Variants in ACLY observed in about 807,000 individuals in gnomAD.
ACLY encodes ATP citrate lyase.
In ACLY, 41 loss-of-function variants were observed where a neutral mutation model predicts 133.0. The ratio of observed to expected loss-of-function variants is 0.31; its 90% CI spans 0.24 to 0.40. The LOEUF is 0.40. ACLY is among the 10% of genes least tolerant of loss of function. ACLY has a pLI of 1.00. For synonymous variants in ACLY, 495 were observed against 549.3 expected, an observed-to-expected ratio of 0.90 and a Z score of 1.38; for missense variants, 1,046 against 1,453.8, an observed-to-expected ratio of 0.72 and a Z score of 4.56.
chr17:41,873,011 A>G (rs999549460), intron 23 of ACLY, among the ~76,000 whole-genome samples: 8 of 152,182 alleles, frequency 5.3e-5, no homozygotes, highest in African/African-American at 1.9e-4. Context: ...CCTTCTGCCC[A>G]GCATCACATT....
Position 41,878,156 on chromosome 17 carries a change from G to C in ACLY, c.2434C>G (p.Pro812Ala). Residue 812 changes from proline to alanine, a missense_variant, in exon 22 of 29, where the codon CCT (proline) becomes GCT (alanine). Pro to Ala is a conservative substitution (Grantham distance 27). This residue lies in a region of ACLY where 39 missense variants were observed against 30.8 expected (regional missense o/e 1.27). Coordinates refer to ENST00000352035, the MANE Select transcript of ACLY (RefSeq NM_001096.3). ...EDLVANGVIV[P>A]AQEVPPPTVP... ...GTTGGGGGCGGCACCTCCTGGGCAG[G>C]TACAATGACTCCATTGGCCACGAGA... 6.3e-7 allele frequency: 1 copy of C among 1,596,400 alleles called. No homozygotes were observed. Among genetic ancestry groups the C allele is most frequent in the Non-Finnish European group, 8.5e-7 (1 of 1,171,630 alleles).
chr17:41,917,875 A>T (rs1485052041), intron 1 of ACLY, among the ~76,000 whole-genome samples: 1 of 152,166 alleles, frequency 6.6e-6, no homozygotes, highest in Non-Finnish European at 1.5e-5. Flanking sequence ...GAGACCTACC[A>T]GCTGTCCCTC....
At chr17:41,893,238 A>C (rs181283411) in intron 14 of ACLY, 64 bp from the exon 15 acceptor site, 1 of 1,538,328 alleles carries the variant, frequency 6.5e-7, no homozygotes, top group African/African-American at 1.4e-5. Flanking sequence ...TGCAGGGGCC[A>C]GGGCTGCCTG....
At position 41,912,418 on chromosome 17, in the gene ACLY, A is replaced by G. The variant is rs1351459389; in HGVS notation, c.282+2T>C. The stretch of plus-strand genomic sequence containing the variant: ...GTTCATCCTGACCCCATGCCCACTC[A>G]CTGTGGCTTCCTGTCCCAGCCGTGG... On this transcript the variant is annotated splice_donor_variant, in intron 3 of 28. Coordinates refer to ENST00000352035, the MANE Select transcript of ACLY (RefSeq NM_001096.3). LOFTEE classifies it high-confidence loss of function. 2 of 1,613,856 alleles carry G rather than the reference A, an allele frequency of 1.2e-6. No individual in the cohort carries two copies. Among genetic ancestry groups the G allele is most frequent in the African/African-American group, 2.7e-5 (2 of 74,928 alleles).
At chr17:41,921,177 A>G (rs114273660), upstream of ACLY, among the ~76,000 whole-genome samples, 456 of 152,054 alleles carry the variant, frequency 3.0e-3, 6 homozygotes, top group African/African-American at 0.011. Context: ...GGGTGCCTGT[A>G]ATCTCAGCTA....
chr17:41,911,620 A>G (rs2049903192), intron 3 of ACLY, among the ~76,000 whole-genome samples: 1 of 152,204 alleles, frequency 6.6e-6, no homozygotes, highest in Non-Finnish European at 1.5e-5. Flanking sequence ...GTTCGAGACC[A>G]GCCTGGGTAA....
At chr17:41,909,156 C>T (rs1210037652) in intron 5 of ACLY, 88 bp from the exon 6 acceptor site, 12 of 991,986 alleles carry the variant, frequency 1.2e-5, no homozygotes, top group Non-Finnish European at 1.7e-5. Context: ...CTCTCACTGC[C>T]ACCGACAGCT....
Position 41,913,760 on chromosome 17 carries a change from T to A in ACLY, c.114A>T (p.Thr38=). ...RFKYARVTPD[T]DWARLLQDHP... is the part of the protein sequence containing the mutation. ...GGTCCTGCAGCAAGCGGGCCCAGTC[T>A]GTGTCAGGAGTGACCCGAGCATACT... The change falls in exon 2 of 29, where the codon ACA becomes ACT. Residue 38 remains threonine (T), a synonymous_variant. Coordinates refer to ENST00000352035, the MANE Select transcript of ACLY (RefSeq NM_001096.3). The A allele has an allele frequency of 6.2e-7, 1 of 1,614,242 alleles. No homozygotes were observed. Among genetic ancestry groups the A allele is most frequent in the Non-Finnish European group, 8.5e-7 (1 of 1,180,042 alleles).
At chr17:41,873,751 G>A in intron 23 of ACLY, 60 bp downstream of exon 23, 1 of 1,471,236 alleles carries the variant, frequency 6.8e-7, no homozygotes, top group East Asian at 2.5e-5. Flanking sequence ...CCCCTTTGTT[G>A]GGGGAAAATC....
At chr17:41,900,794 T>C (rs181022479) in intron 11 of ACLY, among the ~76,000 whole-genome samples, 1 of 151,994 alleles carries the variant, frequency 6.6e-6, no homozygotes, top group Non-Finnish European at 1.5e-5. Flanking sequence ...TGTCTCACAG[T>C]GATGGCCAAG....
At chr17:41,871,944 G>A (rs1003522343) in intron 24 of ACLY, 88 bp downstream of exon 24, 1 of 1,592,776 alleles carries the variant, frequency 6.3e-7, no homozygotes, top group Non-Finnish European at 8.6e-7. Flanking sequence ...ACACTCAGGG[G>A]CTCCTTCTAG....
At chr17:41,877,742 G>A (rs1418484305) in intron 22 of ACLY, among the ~76,000 whole-genome samples, 2 of 152,084 alleles carry the variant, frequency 1.3e-5, no homozygotes, top group Non-Finnish European at 2.9e-5. Flanking sequence ...TATAAAGCAG[G>A]CAGAAAAATG....
intron 10 of ACLY, among the ~76,000 whole-genome samples, chr17:41,902,741 C>T (rs1021053920): frequency 3.3e-5 from 5 of 152,200 alleles, no homozygotes; most frequent in African/African-American, 1.2e-4. Context: ...ATAAAAGCTG[C>T]TGAGGCTCCC....
chr17:41,912,873 G>C (rs562671326), intron 2 of ACLY, among the ~76,000 whole-genome samples: 11 of 152,276 alleles, frequency 7.2e-5, no homozygotes, highest in Admixed American at 2.6e-4. Flanking sequence ...AAGCCCCTCA[G>C]AATATGGACC....
At chr17:41,896,981 G>C (rs1555630534) in intron 13 of ACLY, among the ~76,000 whole-genome samples, 1 of 152,256 alleles carries the variant, frequency 6.6e-6, no homozygotes, top group Non-Finnish European at 1.5e-5. Flanking sequence ...GGGCTCTCTA[G>C]CTGGCGCAGT....
chr17:41,868,436 C>CAAA (rs10639270), intron 28 of ACLY, among the ~76,000 whole-genome samples: 72,128 of 102,390 alleles, frequency 0.7, 25,521 homozygotes, highest in East Asian at 0.78. Context: ...GACTCAGTCT[C>CAAA]AAAAAAAAAA....
chr17:41,908,883 T>C (rs572375270), intron 6 of ACLY, 106 bp downstream of exon 6: 1 of 910,482 alleles, frequency 1.1e-6, no homozygotes, highest in South Asian at 1.4e-5. Flanking sequence ...ACATCTGTCT[T>C]GTGTTACCCT....
intron 3 of ACLY, 42 bp from the exon 4 acceptor site, chr17:41,910,326 C>A (rs781843534): frequency 1.3e-6 from 2 of 1,579,008 alleles, no homozygotes; most frequent in Admixed American, 1.7e-5. Flanking sequence ...AGGGACAGCA[C>A]GTCTTGCCCC....
Position 41,913,783 on chromosome 17 carries a change from A to G in ACLY, c.91T>C (p.Tyr31His). ...TTSAIQNRFK[Y>H]ARVTPDTDWA... ...TCTGTGTCAGGAGTGACCCGAGCAT[A>G]CTTGAACCGATTCTGGATGGCTGAG... The change falls in exon 2 of 29, where the codon TAT (tyrosine) becomes CAT (histidine). Residue 31 changes from tyrosine (Y) to histidine (H), a missense_variant. By Grantham distance (83) the Tyr-to-His change is moderately conservative (BLOSUM62 2). Coordinates refer to ENST00000352035, the MANE Select transcript of ACLY (RefSeq NM_001096.3). 6.2e-7 allele frequency: 1 copy of G among 1,614,226 alleles called. No homozygotes were observed.
Sources: allele counts gnomAD v4.1 joint callset (sites outside exome capture counted in the v4.1 genomes callset), GRCh38; gene constraint gnomAD v4.1.1; regional missense constraint gnomAD v4.1.1; transcripts MANE v1.5; gene names NCBI Gene and HGNC (gene_info 2026-07-23, HGNC 2026-07-21).